KHDRBS3: variants seen among roughly 807,000 people sequenced by gnomAD.
The protein encoded by KHDRBS3 is KH domain-containing, RNA-binding, signal transduction-associated protein 3.
A neutral mutation model predicts 45.6 loss-of-function variants in KHDRBS3; 23 were observed. The ratio of observed to expected loss-of-function variants is 0.50; its 90% CI spans 0.36 to 0.72. The LOEUF (loss-of-function observed/expected upper bound fraction) is 0.72, where lower values mean the gene tolerates loss of function less well. KHDRBS3 is among the 30% of genes least tolerant of loss of function. The probability of loss-of-function intolerance (pLI) is 0.00; values close to 1 mark genes in which losing one functional copy is unlikely to be tolerated. For missense variants in KHDRBS3, 352 were observed against 424.8 expected (o/e 0.83, Z 1.51); for synonymous variants, 162 against 156.5 (o/e 1.04, Z -0.26).
chr8:135,598,008 G>T (rs576146315), intron 6 of KHDRBS3, among the ~76,000 whole-genome samples: 8 of 152,260 alleles, frequency 5.3e-5, no homozygotes, highest in African/African-American at 1.9e-4. Context: ...ACTAAGAGAA[G>T]AGATCCTATG....
chr8:135,601,563 A>C (rs1053619206), intron 6 of KHDRBS3, among the ~76,000 whole-genome samples: 1 of 152,224 alleles, frequency 6.6e-6, no homozygotes, highest in African/African-American at 2.4e-5. Flanking sequence ...TGAGTCTGAC[A>C]TGTAGACTGG....
At chr8:135,646,577 GT>G (rs35116543) in intron 8 of KHDRBS3, among the ~76,000 whole-genome samples, 1 of 152,066 alleles carries the variant, frequency 6.6e-6, no homozygotes, top group East Asian at 1.9e-4. Flanking sequence ...GTTTACCTAT[GT>G]TTTTTCTTTG....
intron 5 of KHDRBS3, among the ~76,000 whole-genome samples, chr8:135,568,446 G>C (rs181945216): frequency 6.6e-6 from 1 of 151,956 alleles, no homozygotes; most frequent in Non-Finnish European, 1.5e-5. Flanking sequence ...ATCTGTAAAC[G>C]TACTGGAAAT....
chr8:135,547,092 CTT>C (rs760170178), intron 3 of KHDRBS3, among the ~76,000 whole-genome samples: 1 of 152,090 alleles, frequency 6.6e-6, no homozygotes, highest in Non-Finnish European at 1.5e-5. Context: ...ATTTTTAAAA[CTT>C]GAGCAATGAG....
chr8:135,481,278 T>G (rs1193470395), intron 1 of KHDRBS3, among the ~76,000 whole-genome samples: 3 of 145,824 alleles, frequency 2.1e-5, no homozygotes, highest in African/African-American at 7.8e-5. Context: ...GTGTACTTTT[T>G]TTTTTTTTTA....
intron 6 of KHDRBS3, among the ~76,000 whole-genome samples, chr8:135,602,880 G>C (rs1035791697): frequency 6.6e-6 from 1 of 151,864 alleles, no homozygotes; most frequent in Non-Finnish European, 1.5e-5. Flanking sequence ...TAATTTTCTG[G>C]GTCTCCTCTT....
At chr8:135,577,191 A>T (rs1487273869) in intron 5 of KHDRBS3, among the ~76,000 whole-genome samples, 1 of 151,930 alleles carries the variant, frequency 6.6e-6, no homozygotes, top group East Asian at 1.9e-4. Context: ...TTGTTTTCAT[A>T]TGCTTTAACC....
chr8:135,616,873 T>C (rs1829938932), intron 7 of KHDRBS3, among the ~76,000 whole-genome samples: 1 of 152,172 alleles, frequency 6.6e-6, no homozygotes, highest in South Asian at 2.1e-4. Context: ...ATTTTTTAAA[T>C]AATTTTTTCT....
At chr8:135,465,864 C>T (rs562897765) in intron 1 of KHDRBS3, among the ~76,000 whole-genome samples, 2 of 152,150 alleles carry the variant, frequency 1.3e-5, no homozygotes, top group Admixed American at 1.3e-4. Context: ...TGTGAGGGCA[C>T]CCTTTTAAAT....
chr8:135,503,592 A>G (rs1330252769), intron 1 of KHDRBS3, among the ~76,000 whole-genome samples: 1 of 150,980 alleles, frequency 6.6e-6, no homozygotes, highest in Non-Finnish European at 1.5e-5. Context: ...TTCCCCCATG[A>G]ACTCATTTAG....
At position 135,457,680 on chromosome 8, in the gene KHDRBS3, G is replaced by A. The variant is rs1304704169; in HGVS notation, c.-187G>A. The A allele has an allele frequency of 1.3e-5, 2 of 151,322 alleles. No homozygotes were observed. The highest frequency in any genetic ancestry group is 2.4e-5 in the African/African-American group (1 of 40,910). 9.4% of individuals were successfully genotyped at this position (151,322 alleles called of 1,614,324 possible). A position where few individuals can be genotyped will look rare whatever the true frequency, so the allele number is the denominator to read the frequency against. ...GTACTCGGCGGCCACCGGGGATCGG[G>A]GCTGAGCGGTCGGTTCCCGCCCCCG... On this transcript the variant is annotated 5_prime_UTR_variant, in exon 1 of 9. Transcript: ENST00000355849. The surrounding 1 kb of genome is among the most constrained non-coding windows in gnomAD (Gnocchi z 4.4).
chr8:135,635,417 C>T, intron 7 of KHDRBS3, among the ~76,000 whole-genome samples: 1 of 152,132 alleles, frequency 6.6e-6, no homozygotes, highest in East Asian at 1.9e-4. Flanking sequence ...CGGAGTCTTG[C>T]TCATTGCCCA....
At chr8:135,482,562 G>A (rs1332253641) in intron 1 of KHDRBS3, among the ~76,000 whole-genome samples, 3 of 152,118 alleles carry the variant, frequency 2.0e-5, no homozygotes, top group African/African-American at 2.4e-5. Context: ...ATGTACCTAC[G>A]TGTCATCTTT....
intron 1 of KHDRBS3, among the ~76,000 whole-genome samples, chr8:135,506,842 A>G (rs1231911160): frequency 6.6e-6 from 1 of 151,354 alleles, no homozygotes; most frequent in African/African-American, 2.4e-5. Context: ...GTTTTTTTTT[A>G]CTGACAAATC....
chr8:135,488,351 G>C (rs1822972924), intron 1 of KHDRBS3, among the ~76,000 whole-genome samples: 1 of 152,156 alleles, frequency 6.6e-6, no homozygotes, highest in Non-Finnish European at 1.5e-5. Flanking sequence ...AGGTATACGT[G>C]ATAAGTTGCA....
intron 1 of KHDRBS3, among the ~76,000 whole-genome samples, chr8:135,489,786 A>G (rs1184765603): frequency 6.6e-6 from 1 of 152,218 alleles, no homozygotes; most frequent in African/African-American, 2.4e-5. Context: ...TATTGAAGAA[A>G]AAATATTTCT....
intron 1 of KHDRBS3, among the ~76,000 whole-genome samples, chr8:135,494,273 A>ATTTTTTTT (rs386414089): frequency 8.9e-5 from 7 of 78,622 alleles, no homozygotes; most frequent in African/African-American, 2.3e-4. Context: ...TGTTTCTCTT[A>ATTTTTTTT]TTTTTTTTTT....
chr8:135,472,496 G>T (rs949507978), intron 1 of KHDRBS3, among the ~76,000 whole-genome samples: 1 of 150,478 alleles, frequency 6.6e-6, no homozygotes, highest in African/African-American at 2.5e-5. Flanking sequence ...AACTGTGTTT[G>T]TTGAATGAAT....
downstream of KHDRBS3, among the ~76,000 whole-genome samples, chr8:135,651,902 A>G (rs1831438660): frequency 6.6e-6 from 1 of 152,218 alleles, no homozygotes; most frequent in Non-Finnish European, 1.5e-5. Context: ...ACTATAATTT[A>G]GATAGTCTAG....
Sources: gnomAD v4.1 joint callset for allele counts (sites outside exome capture counted in the v4.1 genomes callset) on GRCh38, gnomAD v4.1.1 for gene constraint, Gnocchi (gnomAD v3.1) non-coding constraint, MANE v1.5 for transcripts, NCBI Gene and HGNC (gene_info 2026-07-23, HGNC 2026-07-21) for gene names.